AGBL1: variants seen among roughly 807,000 people sequenced by gnomAD.
AGBL1 encodes the protein AGBL carboxypeptidase 1.
AGBL1 carries 130 observed loss-of-function variants against 118.9 expected under a neutral mutation model. The observed-to-expected ratio is 1.09, with a 90% CI of 0.95 to 1.26. The LOEUF is 1.26. Ranked by LOEUF, AGBL1 falls within the 50% of genes most tolerant of loss-of-function variation. AGBL1 has a pLI of 0.00. For missense variants in AGBL1, 1,584 were observed against 1,298.1 expected (o/e 1.22, Z -3.38); for synonymous variants, 555 against 478.9 (o/e 1.16, Z -2.08).
At chr15:86,380,456 C>T (rs551593631) in intron 17 of AGBL1, among the ~76,000 whole-genome samples, 1 of 151,416 alleles carries the variant, frequency 6.6e-6, no homozygotes, top group Non-Finnish European at 1.5e-5. Flanking sequence ...CGGCCCTTTC[C>T]TTCCTTTTTT....
intron 1 of AGBL1, among the ~76,000 whole-genome samples, chr15:86,104,120 G>C (rs1315818463): frequency 1.3e-5 from 2 of 152,178 alleles, no homozygotes; most frequent in Non-Finnish European, 2.9e-5. Flanking sequence ...GGAGTGCTCA[G>C]GTGCCAATGG....
At chr15:86,606,125 T>TAAAAAAAAAAA (rs1852974960) in intron 21 of AGBL1, among the ~76,000 whole-genome samples, 1 of 8,278 alleles carries the variant, frequency 1.2e-4, no homozygotes. Context: ...AGACTCCATC[T>TAAAAAAAAAAA]CAAAAAAAAA....
intron 22 of AGBL1, among the ~76,000 whole-genome samples, chr15:86,827,361 ATGTG>A (rs1212966702): frequency 1.1e-4 from 1 of 9,022 alleles, no homozygotes; most frequent in Non-Finnish European, 1.6e-4. Context: ...ATATATATAT[ATGTG>A]TGTGTATATA....
rs1555449552 is a variant in AGBL1, at chr15:86,215,224, CGTGTGTGTGT to C, written c.489-9658_489-9649del. On this transcript the variant is annotated intron_variant, in intron 5 of 22. Transcript: ENST00000614907. Reference sequence around the variant, plus strand: ...GTGTGTGTGTGAGTGTATATGTATGCGTGTGTGTGTGTGTGTGTGTGTGTGTGTGTGTGTG... The same window carrying C: ...GTGTGTGTGTGAGTGTATATGTATGCGTGTGTGTGTGTGTGTGTGTGTGTG... Among the ~76,000 whole-genome samples the C allele has an allele frequency of 1.5e-3, 168 of 114,480 alleles. 1 individual carries two copies. Among genetic ancestry groups the C allele is most frequent in the Middle Eastern group, 5.4e-3 (1 of 186 alleles). The allele number at this position is 114,480 out of a possible 152,430, so 75.1% of individuals were successfully genotyped here.
intron 22 of AGBL1, among the ~76,000 whole-genome samples, chr15:86,839,122 G>A (rs1050035079): frequency 2.0e-5 from 3 of 151,996 alleles, no homozygotes; most frequent in South Asian, 2.1e-4. Flanking sequence ...GAGAAATACT[G>A]GTTAGAAGAT....
At chr15:86,384,406 A>G (rs2141966804) in intron 17 of AGBL1, among the ~76,000 whole-genome samples, 1 of 152,296 alleles carries the variant, frequency 6.6e-6, no homozygotes, top group South Asian at 2.1e-4. Context: ...GCGGGTGCAC[A>G]GCATCTGTCT....
chr15:86,475,488 A>C (rs2082544873), intron 18 of AGBL1, among the ~76,000 whole-genome samples: 1 of 152,248 alleles, frequency 6.6e-6, no homozygotes, highest in Non-Finnish European at 1.5e-5. Context: ...TTGAAGATCA[A>C]ATGAATGAAA....
intron 17 of AGBL1, among the ~76,000 whole-genome samples, chr15:86,377,468 T>G (rs2081055740): frequency 6.6e-6 from 1 of 152,218 alleles, no homozygotes; most frequent in African/African-American, 2.4e-5. Context: ...ATTTTTGCTC[T>G]AAAATAACAG....
At chr15:87,009,669 G>T (rs994888720) in intron 24 of AGBL1, among the ~76,000 whole-genome samples, 3 of 152,188 alleles carry the variant, frequency 2.0e-5, no homozygotes, top group African/African-American at 7.2e-5. Context: ...GCAGCTGGGA[G>T]GGAGGCTCTA....
chr15:86,096,658 G>A (rs1219697889), intron 1 of AGBL1, among the ~76,000 whole-genome samples: 1 of 152,144 alleles, frequency 6.6e-6, no homozygotes, highest in Non-Finnish European at 1.5e-5. Context: ...GTTGGCTGAG[G>A]TTCCTAATAT....
chr15:86,424,723 G>A (rs2081842488), intron 18 of AGBL1, among the ~76,000 whole-genome samples: 1 of 152,126 alleles, frequency 6.6e-6, no homozygotes, highest in African/African-American at 2.4e-5. Flanking sequence ...TCAAAAAGTG[G>A]GCAAAGGATG....
At chr15:86,345,385 C>A (rs1016366883) in intron 17 of AGBL1, among the ~76,000 whole-genome samples, 2 of 152,182 alleles carry the variant, frequency 1.3e-5, no homozygotes, top group African/African-American at 2.4e-5. Context: ...TATGCACCTA[C>A]TATGTTCCAG....
chr15:86,522,708 G>C, intron 18 of AGBL1, 102 bp from the exon 19 acceptor site: 1 of 1,411,066 alleles, frequency 7.1e-7, no homozygotes, highest in Non-Finnish European at 9.5e-7. Context: ...TCAGAGGAAA[G>C]TTTTGAAGTC....
At chr15:86,457,294 GAAC>G (rs1427133704) in intron 18 of AGBL1, among the ~76,000 whole-genome samples, 1 of 152,118 alleles carries the variant, frequency 6.6e-6, no homozygotes, top group African/African-American at 2.4e-5. Flanking sequence ...TTTGTGGCAT[GAAC>G]AAAAGGCTTT....
At chr15:86,393,761 A>G (rs1218720013) in intron 17 of AGBL1, among the ~76,000 whole-genome samples, 1 of 152,132 alleles carries the variant, frequency 6.6e-6, no homozygotes, top group Non-Finnish European at 1.5e-5. Flanking sequence ...TATGGACTGA[A>G]TATGTATGTC....
chr15:86,140,476 A>G (rs1178931031), intron 1 of AGBL1, among the ~76,000 whole-genome samples: 1 of 152,154 alleles, frequency 6.6e-6, no homozygotes, highest in African/African-American at 2.4e-5. Flanking sequence ...CCCACCTTTT[A>G]TGAAAGACCC....
intron 22 of AGBL1, among the ~76,000 whole-genome samples, chr15:86,720,519 A>G (rs566877451): frequency 1.2e-4 from 18 of 152,190 alleles, no homozygotes; most frequent in Admixed American, 2.6e-4. Context: ...TTCGCTGCCA[A>G]TGGGGCCACT....
intron 18 of AGBL1, among the ~76,000 whole-genome samples, chr15:86,424,220 C>G (rs775484671): frequency 1.1e-4 from 16 of 152,124 alleles, no homozygotes; most frequent in Non-Finnish European, 1.9e-4. Context: ...ACAGAGGCCT[C>G]AGAAATAATG....
At chr15:86,536,450 G>A (rs1171607384) in intron 19 of AGBL1, among the ~76,000 whole-genome samples, 1 of 152,064 alleles carries the variant, frequency 6.6e-6, no homozygotes, top group South Asian at 2.1e-4. Context: ...AGCTGGGACT[G>A]CAGGCACGTG....
Sources: gnomAD v4.1 joint callset for allele counts (sites outside exome capture counted in the v4.1 genomes callset) on GRCh38, gnomAD v4.1.1 for gene constraint, MANE v1.5 for transcripts, NCBI Gene and HGNC (gene_info 2026-07-23, HGNC 2026-07-21) for gene names.